Variants in NF2 observed in about 807,000 individuals in gnomAD.
NF2 encodes NF2, moesin-ezrin-radixin like (MERLIN) tumor suppressor, also known as merlin.
Under a neutral mutation model 83.7 loss-of-function variants are expected in NF2, and 8 were observed. The observed-to-expected ratio is 0.10, with a 90% confidence interval of 0.06 to 0.17. The LOEUF is 0.17. Among genes scored for constraint, NF2 ranks in the 10% least tolerant of loss-of-function variants. The pLI is 1.00. For missense variants in NF2, 533 were observed against 744.4 expected (o/e 0.72, Z 3.31); for synonymous variants, 266 against 269.6 (o/e 0.99, Z 0.13).
At chr22:29,639,013 T>TG in intron 2 of NF2, 77 bp from the exon 3 acceptor site, 1 of 1,607,846 alleles carries the variant, frequency 6.2e-7, no homozygotes, top group African/African-American at 1.3e-5. Flanking sequence ...ATGCACGCCT[T>TG]GCAAAGGCTT....
Position 29,694,677 on chromosome 22 carries a change from A to G in NF2, c.1738-75A>G, listed in dbSNP as rs1601688624. 7.3e-6 allele frequency: 11 copies of G among 1,506,272 alleles called. No individual in the cohort carries two copies. The East Asian group carries it at 2.6e-4, about 35-fold the overall frequency. 93.3% of individuals were successfully genotyped at this position (1,506,272 alleles called of 1,614,324 possible). On this transcript the variant is annotated intron_variant, in intron 15 of 15. Transcript: ENST00000338641. This position sits in a 1 kb window ranked among gnomAD's most constrained non-coding sequence, Gnocchi z 4.1. ...TCCCAGCCACCTTTGAGGTGAGTCC[A>G]AGTGGCAGGACAGGACCCTGTGTGA...
chr22:29,676,175 T>TA lies in NF2; in HGVS notation c.1446+1234_1446+1235insA, dbSNP rs1415219156. ...TTTTATTTTTTATTTTATTTATTATTTTTTTTTTTAGAGAGAGAGAGTTTT... is the reference window on the plus strand; with the variant it reads ...TTTTATTTTTTATTTTATTTATTATTATTTTTTTTTAGAGAGAGAGAGTTTT... On this transcript the variant is annotated intron_variant, in intron 13 of 15. Coordinates refer to ENST00000338641, the MANE Select transcript of NF2 (RefSeq NM_000268.4). Among the ~76,000 whole-genome samples the TA allele has an allele frequency of 6.7e-5, 10 of 149,504 alleles. No homozygotes were observed. The East Asian group carries it at 1.9e-3, about 29-fold the overall frequency.
intron 15 of NF2, among the ~76,000 whole-genome samples, chr22:29,692,542 A>G (rs1346418222): frequency 6.6e-6 from 1 of 152,178 alleles, no homozygotes; most frequent in Non-Finnish European, 1.5e-5. Flanking sequence ...GAATTCTTGG[A>G]GCCAACATTG....
chr22:29,694,895 G>A lies in NF2; in HGVS notation c.*93G>A, dbSNP rs1193376617. The stretch of plus-strand genomic sequence containing the variant: ...TCAAGAGAGCCATCCATAGGGAGCT[G>A]GCTGGGGGTTTCCGTGGGAGCTCCA... On this transcript the variant is annotated 3_prime_UTR_variant, in exon 16 of 16. Transcript: ENST00000338641. The surrounding 1 kb of genome is among the most constrained non-coding windows in gnomAD (Gnocchi z 4.1). The A allele has an allele frequency of 3.7e-6, 5 of 1,366,926 alleles. No homozygotes were observed. Among genetic ancestry groups the A allele is most frequent in the Middle Eastern group, 1.8e-4 (1 of 5,584 alleles). The allele number at this position is 1,366,926 out of a possible 1,614,324, so 84.7% of individuals were successfully genotyped here. A position where few individuals can be genotyped will look rare whatever the true frequency, so the allele number is the denominator to read the frequency against.
At chr22:29,631,450 T>A (rs1398734967) in intron 1 of NF2, among the ~76,000 whole-genome samples, 1 of 152,222 alleles carries the variant, frequency 6.6e-6, no homozygotes, top group African/African-American at 2.4e-5. Flanking sequence ...TCCATTTACC[T>A]GTCTTCCCTG....
At chr22:29,662,079 CCATCCATTCATTCATTCACT>C (rs1352796892) in intron 8 of NF2, among the ~76,000 whole-genome samples, 10 of 152,282 alleles carry the variant, frequency 6.6e-5, no homozygotes, top group East Asian at 5.8e-4. Context: ...GTTTACTCAT[CCATCCATTCATTCATTCACT>C]CATCCATTCA....
At chr22:29,625,034 G>T (rs2146788322) in intron 1 of NF2, among the ~76,000 whole-genome samples, 1 of 151,530 alleles carries the variant, frequency 6.6e-6, no homozygotes, top group East Asian at 1.9e-4. Context: ...TGCCTCCCAG[G>T]TTTAAGCGAT....
At chr22:29,660,137 A>T (rs945029804) in intron 7 of NF2, among the ~76,000 whole-genome samples, 1 of 152,120 alleles carries the variant, frequency 6.6e-6, no homozygotes, top group African/African-American at 2.4e-5. Context: ...TGAGGGCTAG[A>T]CCACAGCACT....
chr22:29,604,169 G>A lies in NF2; in HGVS notation c.114+57G>A, dbSNP rs1025495829. The stretch of plus-strand genomic sequence containing the variant: ...GACAGTCGAGGTGGAAGCTCGAGAG[G>A]TTCTCTTTATATCATCTTATGGGTG... On this transcript the variant is annotated intron_variant, in intron 1 of 15. Transcript: ENST00000338641. The A allele has an allele frequency of 2.2e-6, 3 of 1,384,482 alleles. No individual in the cohort carries two copies. In the African/African-American group the frequency reaches 4.3e-5, roughly 20 times the overall value. 85.8% of individuals were successfully genotyped at this position (1,384,482 alleles called of 1,614,324 possible).
rs113760386 is a variant in NF2, at chr22:29,697,566, CTT to C, written c.*2779_*2780del. On this transcript the variant is annotated 3_prime_UTR_variant, in exon 16 of 16. Coordinates refer to ENST00000338641, the MANE Select transcript of NF2 (RefSeq NM_000268.4). ...TTCCTGTGGCTGGGATGACTGCATC[CTT>C]TTTTTTTTTTTTTTGAGACGGAGTT... 5.8e-3 allele frequency: 922 copies of C among 157,956 alleles called. No homozygotes were observed. The highest frequency in any genetic ancestry group is 0.022 in the East Asian group (188 of 8,724). The allele number at this position is 157,956 out of a possible 1,614,324, so 9.8% of individuals were successfully genotyped here. A position where few individuals can be genotyped will look rare whatever the true frequency, so the allele number is the denominator to read the frequency against.
intron 15 of NF2, chr22:29,683,637 C>T: frequency 9.2e-7 from 1 of 1,088,578 alleles, no homozygotes; most frequent in South Asian, 4.0e-5. Flanking sequence ...AGCACAGGGT[C>T]TGATATGTGA....
At position 29,689,135 on chromosome 22, in the gene NF2, C is replaced by T. The variant is rs911423828; in HGVS notation, c.1738-5617C>T. Among the ~76,000 whole-genome samples, 6 of 144,500 alleles carry T rather than the reference C, an allele frequency of 4.2e-5. No individual in the cohort carries two copies. In the East Asian group the frequency reaches 8.4e-4, roughly 20 times the overall value. 94.8% of individuals were successfully genotyped at this position (144,500 alleles called of 152,430 possible). A position where few individuals can be genotyped will look rare whatever the true frequency, so the allele number is the denominator to read the frequency against. ...CAGAGGCTGCAGTGAGCGGAGATCG[C>T]GCCACTGCAGTTCAGCCTGGCAACG... is the stretch of plus-strand genomic sequence containing the variant. On this transcript the variant is annotated intron_variant, in intron 15 of 15. Transcript: ENST00000338641.
chr22:29,673,886 ACAG>A lies in NF2; in HGVS notation c.1340+405_1340+407del, dbSNP rs2066884576. 1.3e-5 allele frequency among the ~76,000 whole-genome samples: 2 copies of A among 152,218 alleles called. 1 individual carries two copies. Among genetic ancestry groups the A allele is most frequent in the South Asian group, 4.1e-4 (2 of 4,828 alleles). On this transcript the variant is annotated intron_variant, in intron 12 of 15. Coordinates refer to ENST00000338641, the MANE Select transcript of NF2 (RefSeq NM_000268.4). ...TTTCATTCAGTGGGGCTGCAGGAGA[ACAG>A]CAGCTGCCTACCTTTAAAGGGAAGC...
chr22:29,662,710 G>C (rs1046545249), intron 8 of NF2, among the ~76,000 whole-genome samples: 1 of 152,248 alleles, frequency 6.6e-6, no homozygotes, highest in Non-Finnish European at 1.5e-5. Context: ...AGGAAGCAGA[G>C]ACACAGAAGG....
At position 29,673,426 on chromosome 22, in the gene NF2, A is replaced by G. The variant is rs760382219; in HGVS notation, c.1280A>G (p.Glu427Gly). 8 of 1,612,726 alleles carry G rather than the reference A, an allele frequency of 5.0e-6. No homozygotes were observed. The South Asian group carries it at 7.7e-5, about 16-fold the overall frequency. The change falls in exon 12 of 16, where the codon GAG becomes GGG. Residue 427 changes from glutamate (E) to glycine (G), a missense_variant. By Grantham distance (98) the Glu-to-Gly change is moderately conservative (BLOSUM62 -2). Around this residue, in one of 3 missense-constraint regions of NF2, gnomAD observed 199 missense variants for 240.7 expected, o/e 0.83. Transcript: ENST00000338641. ...IRTEEEKRLM[E>G]QKVLEAEVLA... ...ACGGAGGAGGAGAAGCGCCTGATGG[A>G]GCAGAAGGTGCTGGAAGCCGAGGTG...
chr22:29,676,212 C>T (rs919057767), intron 13 of NF2, among the ~76,000 whole-genome samples: 1 of 151,604 alleles, frequency 6.6e-6, no homozygotes, highest in Non-Finnish European at 1.5e-5. Flanking sequence ...TTTACTCTGT[C>T]ACCCAGGCTG....
intron 10 of NF2, among the ~76,000 whole-genome samples, chr22:29,670,503 T>TTTTGTGTG (rs370999091): frequency 7.6e-4 from 112 of 146,444 alleles, no homozygotes; most frequent in African/African-American, 2.6e-3. Flanking sequence ...CTTTTTGAGC[T>TTTTGTGTG]TGTGTGTGTG....
At chr22:29,663,354 T>G (rs1016399166) in intron 8 of NF2, among the ~76,000 whole-genome samples, 1 of 152,186 alleles carries the variant, frequency 6.6e-6, no homozygotes, top group African/African-American at 2.4e-5. Flanking sequence ...ATATGCCCTC[T>G]CCGGGGGACA....
intron 1 of NF2, among the ~76,000 whole-genome samples, chr22:29,616,200 C>T (rs1483763289): frequency 6.6e-6 from 1 of 152,082 alleles, no homozygotes; most frequent in Admixed American, 6.6e-5. Flanking sequence ...CTGAAATATA[C>T]AAGGTTTTAT....
Sources: allele counts gnomAD v4.1 joint callset (sites outside exome capture counted in the v4.1 genomes callset), GRCh38; gene constraint gnomAD v4.1.1; regional missense constraint gnomAD v4.1.1; non-coding constraint Gnocchi (gnomAD v3.1); transcripts MANE v1.5; gene names NCBI Gene and HGNC (gene_info 2026-07-23, HGNC 2026-07-21).